The following NAALADL2 variants were observed in gnomAD, a reference collection of about 807,000 sequenced individuals.
NAALADL2 encodes the protein inactive N-acetylated-alpha-linked acidic dipeptidase-like protein 2.
Under a neutral mutation model 87.2 loss-of-function variants are expected in NAALADL2, and 76 were observed. The observed-to-expected ratio is 0.87, with a 90% confidence interval of 0.72 to 1.05. The LOEUF (loss-of-function observed/expected upper bound fraction) is 1.05, where lower values mean the gene tolerates loss of function less well. Among genes scored for constraint, NAALADL2 ranks in the 50% least tolerant of loss-of-function variants. The probability of loss-of-function intolerance (pLI) is 0.00; values close to 1 mark genes in which losing one functional copy is unlikely to be tolerated. For synonymous variants in NAALADL2, 354 were observed against 331.0 expected, an observed-to-expected ratio of 1.07 and a Z score of -0.75; for missense variants, 1,089 against 945.8, an observed-to-expected ratio of 1.15 and a Z score of -1.99.
intron 2 of NAALADL2, among the ~76,000 whole-genome samples, chr3:175,117,664 G>T (rs1243974946): frequency 6.6e-6 from 1 of 150,986 alleles, no homozygotes; most frequent in East Asian, 2.0e-4. Flanking sequence ...TTACACTGTT[G>T]GTGGGACTGT....
intron 5 of NAALADL2, among the ~76,000 whole-genome samples, chr3:175,427,317 G>T (rs978229777): frequency 6.6e-6 from 1 of 151,990 alleles, no homozygotes; most frequent in Admixed American, 6.6e-5. Flanking sequence ...TATTGCAAAG[G>T]CATTTGTACT....
intron 2 of NAALADL2, among the ~76,000 whole-genome samples, chr3:174,714,873 G>A (rs1481563127): frequency 6.6e-6 from 1 of 152,126 alleles, no homozygotes. Flanking sequence ...CCTGTCTTGT[G>A]CGAGTTTTCA....
At chr3:174,780,870 C>T (rs767577151) in intron 3 of NAALADL2, among the ~76,000 whole-genome samples, 6 of 151,912 alleles carry the variant, frequency 3.9e-5, no homozygotes, top group Admixed American at 1.3e-4. Flanking sequence ...TTTCTTCGTA[C>T]TGTTGATGGT....
At chr3:174,878,192 A>G (rs1728737303) in intron 1 of NAALADL2, among the ~76,000 whole-genome samples, 1 of 152,120 alleles carries the variant, frequency 6.6e-6, no homozygotes, top group Admixed American at 6.6e-5. Flanking sequence ...AAATTTCATA[A>G]AGTATTTTGA....
chr3:174,625,222 C>A (rs1192551675), intron 2 of NAALADL2, among the ~76,000 whole-genome samples: 4 of 152,026 alleles, frequency 2.6e-5, no homozygotes, highest in East Asian at 1.9e-4. Flanking sequence ...CCACTCCCAG[C>A]TAATTTTGGT....
chr3:174,690,789 A>G (rs1486698098), intron 2 of NAALADL2, among the ~76,000 whole-genome samples: 2 of 152,144 alleles, frequency 1.3e-5, no homozygotes, highest in African/African-American at 4.8e-5. Flanking sequence ...TCTTAATGTA[A>G]ATATCCACTT....
At chr3:175,192,879 G>A (rs1037807515) in intron 2 of NAALADL2, among the ~76,000 whole-genome samples, 1 of 151,450 alleles carries the variant, frequency 6.6e-6, no homozygotes, top group African/African-American at 2.4e-5. Context: ...AAAATTTTAC[G>A]TGTAGCCACA....
intron 2 of NAALADL2, among the ~76,000 whole-genome samples, chr3:175,160,498 A>G (rs1733028214): frequency 6.7e-6 from 1 of 149,208 alleles, no homozygotes; most frequent in Non-Finnish European, 1.5e-5. Context: ...GATTACAGGC[A>G]TGCACCTCCA....
At chr3:175,303,120 G>A (rs1757293139) in intron 4 of NAALADL2, among the ~76,000 whole-genome samples, 1 of 152,032 alleles carries the variant, frequency 6.6e-6, no homozygotes, top group African/African-American at 2.4e-5. Context: ...GAAAAGACAT[G>A]AGATTTGAAA....
chr3:175,742,559 G>C (rs369991086), intron 12 of NAALADL2, among the ~76,000 whole-genome samples: 1 of 151,502 alleles, frequency 6.6e-6, no homozygotes, highest in Admixed American at 6.6e-5. Context: ...CACCACACCC[G>C]GCTAATTTTT....
At chr3:175,251,077 T>C (rs1424797088) in intron 3 of NAALADL2, among the ~76,000 whole-genome samples, 2 of 152,176 alleles carry the variant, frequency 1.3e-5, no homozygotes, top group African/African-American at 2.4e-5. Context: ...AAAATGTTTG[T>C]GATCTATGGC....
At chr3:175,291,864 G>A (rs1374936976) in intron 4 of NAALADL2, among the ~76,000 whole-genome samples, 2 of 152,092 alleles carry the variant, frequency 1.3e-5, no homozygotes, top group African/African-American at 2.4e-5. Flanking sequence ...TGCCTTGAGT[G>A]AATAAGAGGC....
At chr3:175,667,250 AAAGAAAGAAAGAAAGG>A (rs1560943826) in intron 11 of NAALADL2, among the ~76,000 whole-genome samples, 133 of 141,858 alleles carry the variant, frequency 9.4e-4, no homozygotes, top group African/African-American at 3.5e-3. Flanking sequence ...AAAAAGAAAG[AAAGAAAGAAAGAAAGG>A]AAGGAAGGGA....
At chr3:174,857,071 A>G (rs964729214), upstream of NAALADL2, among the ~76,000 whole-genome samples, 2 of 152,148 alleles carry the variant, frequency 1.3e-5, no homozygotes, top group Admixed American at 6.6e-5. Flanking sequence ...TGAAAAGTTT[A>G]GAATTGTTAA....
At chr3:175,727,009 A>G (rs1316319444) in intron 11 of NAALADL2, among the ~76,000 whole-genome samples, 3 of 152,214 alleles carry the variant, frequency 2.0e-5, no homozygotes, top group Non-Finnish European at 4.4e-5. Context: ...GGCTAAGTTA[A>G]GAGCCCAACT....
intron 5 of NAALADL2, among the ~76,000 whole-genome samples, chr3:175,414,153 A>G (rs1714142378): frequency 6.6e-6 from 1 of 152,198 alleles, no homozygotes; most frequent in Admixed American, 6.5e-5. Context: ...GCTTTGTGGG[A>G]AAGACACGGG....
At chr3:174,927,358 C>G (rs879567193) in intron 1 of NAALADL2, among the ~76,000 whole-genome samples, 1 of 152,144 alleles carries the variant, frequency 6.6e-6, no homozygotes, top group Non-Finnish European at 1.5e-5. Context: ...CCAAGCAGAC[C>G]TAATAGACAT....
At chr3:174,530,433 C>T (rs953347156) in intron 1 of NAALADL2, among the ~76,000 whole-genome samples, 2 of 152,184 alleles carry the variant, frequency 1.3e-5, no homozygotes, top group African/African-American at 4.8e-5. Context: ...ACCCTGCAAA[C>T]TGTTCCAACC....
upstream of NAALADL2, among the ~76,000 whole-genome samples, chr3:174,855,950 A>G (rs1034899860): frequency 7.2e-5 from 10 of 139,232 alleles, no homozygotes; most frequent in African/African-American, 2.6e-4. Context: ...ACACATAGAT[A>G]TGAATATATG....
Sources: allele counts gnomAD v4.1 joint callset (sites outside exome capture counted in the v4.1 genomes callset), GRCh38; gene constraint gnomAD v4.1.1; transcripts MANE v1.5; gene names NCBI Gene and HGNC (gene_info 2026-07-23, HGNC 2026-07-21).